Variants in HIP1 observed in about 807,000 individuals in gnomAD.
HIP1 encodes the protein huntingtin-interacting protein 1.
In HIP1, 65 loss-of-function variants were observed where a neutral mutation model predicts 147.6. The ratio of observed to expected loss-of-function variants is 0.44; its 90% CI spans 0.36 to 0.54. The LOEUF (loss-of-function observed/expected upper bound fraction) is 0.54, where lower values mean the gene tolerates loss of function less well. HIP1 is among the 20% of genes least tolerant of loss of function. The probability of loss-of-function intolerance (pLI) is 0.00; values close to 1 mark genes in which losing one functional copy is unlikely to be tolerated. For synonymous variants in HIP1, 479 were observed against 504.0 expected, an observed-to-expected ratio of 0.95 and a Z score of 0.67; for missense variants, 1,061 against 1,299.6, an observed-to-expected ratio of 0.82 and a Z score of 2.82.
intron 1 of HIP1, among the ~76,000 whole-genome samples, chr7:75,702,675 G>A (rs547616860): frequency 1.3e-5 from 2 of 152,190 alleles, no homozygotes; most frequent in Non-Finnish European, 2.9e-5. Flanking sequence ...AAGGGGAAGG[G>A]GACCTGGTGT....
In HIP1 at chr7:75,577,311, G is replaced by A. The variant is rs1001735452; in HGVS notation, c.605-3410C>T. ...TGTGCCACAGTACTCCAGCCTCGGC[G>A]ACAGAGTGAGATCCCATCTCCAAAA... On this transcript the variant is annotated intron_variant, in intron 7 of 30. Coordinates refer to ENST00000336926, the MANE Select transcript of HIP1 (RefSeq NM_005338.7). Among the ~76,000 whole-genome samples, 8 of 130,846 alleles carry A rather than the reference G, an allele frequency of 6.1e-5. No homozygotes were observed. The East Asian group carries it at 6.4e-4, about 10-fold the overall frequency. The allele number at this position is 130,846 out of a possible 152,430, so 85.8% of individuals were successfully genotyped here.
At position 75,548,855 on chromosome 7, in the gene HIP1, G is replaced by A. The variant is rs782120125; in HGVS notation, c.2406+36C>T. ...AGTGTTGCAGAAGGGCAGCTGCAAA[G>A]GCATCGTTTCAGGAGATCCTGCAGG... is the stretch of plus-strand genomic sequence containing the variant. On this transcript the variant is annotated intron_variant, in intron 23 of 30. Transcript: ENST00000336926. 5 of 1,434,254 alleles carry A rather than the reference G, an allele frequency of 3.5e-6. No individual in the cohort carries two copies. The Admixed American group carries it at 8.4e-5, about 24-fold the overall frequency. 88.8% of individuals were successfully genotyped at this position (1,434,254 alleles called of 1,614,324 possible). A position where few individuals can be genotyped will look rare whatever the true frequency, so the allele number is the denominator to read the frequency against.
intron 1 of HIP1, among the ~76,000 whole-genome samples, chr7:75,651,576 AC>A (rs1333572082): frequency 1.3e-5 from 2 of 151,118 alleles, no homozygotes; most frequent in East Asian, 3.9e-4. Flanking sequence ...TTACATCAGA[AC>A]CCCAAGTTCA....
At chr7:75,652,627 A>C (rs1799033513) in intron 1 of HIP1, among the ~76,000 whole-genome samples, 1 of 151,984 alleles carries the variant, frequency 6.6e-6, no homozygotes, top group Admixed American at 6.6e-5. Flanking sequence ...GGCCTCCCGA[A>C]GTGCTGGGAC....
intron 7 of HIP1, among the ~76,000 whole-genome samples, chr7:75,575,457 C>T (rs1364965792): frequency 6.6e-6 from 1 of 152,104 alleles, no homozygotes; most frequent in Non-Finnish European, 1.5e-5. Context: ...GAGACTCCAT[C>T]TCAAAAGAAA....
intron 1 of HIP1, among the ~76,000 whole-genome samples, chr7:75,636,441 A>G (rs960034901): frequency 2.6e-5 from 4 of 152,182 alleles, no homozygotes; most frequent in Admixed American, 2.0e-4. Context: ...CAAGGCTGAC[A>G]TTGGACTCTG....
chr7:75,690,471 T>A (rs1800410585), intron 1 of HIP1, among the ~76,000 whole-genome samples: 1 of 151,942 alleles, frequency 6.6e-6, no homozygotes, highest in Non-Finnish European at 1.5e-5. Flanking sequence ...AAATAACAGG[T>A]GTTGGCAAGA....
rs2082471642 is a variant in HIP1 at position 75,586,888 on chromosome 7, G to A, written c.385-55C>T. 3.5e-5 allele frequency: 36 copies of A among 1,022,252 alleles called. 1 individual carries two copies. The South Asian group carries it at 4.6e-4, about 13-fold the overall frequency. The allele number at this position is 1,022,252 out of a possible 1,614,324, so 63.3% of individuals were successfully genotyped here. On this transcript the variant is annotated intron_variant, in intron 4 of 30. Coordinates refer to ENST00000336926, the MANE Select transcript of HIP1 (RefSeq NM_005338.7). ...AACAACAAGAACATAACAGTCAAGAGATCTGCAGCCAGGAATTCTCTGGTA... is the reference window on the plus strand; with the variant it reads ...AACAACAAGAACATAACAGTCAAGAAATCTGCAGCCAGGAATTCTCTGGTA...
intron 1 of HIP1, among the ~76,000 whole-genome samples, chr7:75,703,602 CAAA>C (rs1199276056): frequency 7.8e-6 from 1 of 127,948 alleles, no homozygotes; most frequent in African/African-American, 2.9e-5. Context: ...AACTCCGTCT[CAAA>C]AAAAAAAACA....
At chr7:75,695,021 G>A (rs1338242059) in intron 1 of HIP1, among the ~76,000 whole-genome samples, 7 of 152,140 alleles carry the variant, frequency 4.6e-5, no homozygotes, top group Non-Finnish European at 8.8e-5. Flanking sequence ...AAATAGCACT[G>A]TCTTTGTTTC....
At chr7:75,565,102 T>C (rs1795357508) in intron 9 of HIP1, among the ~76,000 whole-genome samples, 1 of 152,178 alleles carries the variant, frequency 6.6e-6, no homozygotes, top group African/African-American at 2.4e-5. Flanking sequence ...ACAATGAACT[T>C]TCTCCAGCTT....
At chr7:75,541,854 G>A in intron 29 of HIP1, 65 bp downstream of exon 29, 1 of 1,193,518 alleles carries the variant, frequency 8.4e-7, no homozygotes, top group Non-Finnish European at 1.3e-6. Context: ...TTCTCCATGG[G>A]AATAATATTC....
chr7:75,612,546 T>A (rs587758127), intron 1 of HIP1, among the ~76,000 whole-genome samples: 9 of 151,184 alleles, frequency 6.0e-5, no homozygotes, highest in Admixed American at 5.9e-4. Flanking sequence ...CGGTGGCTCA[T>A]GCCCGTAATC....
chr7:75,588,488 A>C (rs1796362312), intron 4 of HIP1, among the ~76,000 whole-genome samples: 1 of 152,210 alleles, frequency 6.6e-6, no homozygotes, highest in Non-Finnish European at 1.5e-5. Flanking sequence ...ATTGTAAAGG[A>C]GGAGAAGCAG....
chr7:75,733,430 CT>C (rs56744076), intron 1 of HIP1: 65,282 of 132,292 alleles, frequency 0.49, 15,138 homozygotes, highest in East Asian at 0.66. Flanking sequence ...TTTTCTTTTT[CT>C]TTTTTTTTTT....
intron 1 of HIP1, among the ~76,000 whole-genome samples, chr7:75,714,458 T>C (rs1187096681): frequency 6.1e-5 from 2 of 32,842 alleles, no homozygotes; most frequent in South Asian, 8.6e-4. Flanking sequence ...TTTTTTTCTT[T>C]TTTTTTTTTT....
intron 1 of HIP1, among the ~76,000 whole-genome samples, chr7:75,695,514 T>C (rs1554518658): frequency 6.6e-6 from 1 of 152,126 alleles, no homozygotes; most frequent in African/African-American, 2.4e-5. Flanking sequence ...CCAATGCAGT[T>C]GTAGGATAAA....
intron 1 of HIP1, among the ~76,000 whole-genome samples, chr7:75,634,932 A>G (rs4731229): frequency 7.6e-6 from 1 of 132,144 alleles, no homozygotes; most frequent in African/African-American, 2.9e-5. Context: ...AGAGTGAGAC[A>G]CTATCTCTGA....
At chr7:75,633,389 T>A (rs1167773592) in intron 1 of HIP1, among the ~76,000 whole-genome samples, 1 of 151,882 alleles carries the variant, frequency 6.6e-6, no homozygotes, top group African/African-American at 2.4e-5. Context: ...GCTTCCCGGG[T>A]TCAAGCAATT....
Sources: gnomAD v4.1 joint callset for allele counts (sites outside exome capture counted in the v4.1 genomes callset) on GRCh38, gnomAD v4.1.1 for gene constraint, MANE v1.5 for transcripts, NCBI Gene and HGNC (gene_info 2026-07-23, HGNC 2026-07-21) for gene names.